The following ZNF407 variants were observed in gnomAD, a reference collection of about 807,000 sequenced individuals.
ZNF407 encodes zinc finger protein 407.
A neutral mutation model predicts 131.2 loss-of-function variants in ZNF407; 17 were observed. The observed-to-expected ratio is 0.13, with a 90% CI of 0.09 to 0.19. The LOEUF (loss-of-function observed/expected upper bound fraction) is 0.19, where lower values mean the gene tolerates loss of function less well. Ranked by LOEUF, ZNF407 falls within the 10% of genes least tolerant of loss-of-function variation. The pLI is 1.00. For missense variants in ZNF407, 2,681 were observed against 2,830.6 expected (o/e 0.95, Z 1.20); for synonymous variants, 1,156 against 1,062.0 (o/e 1.09, Z -1.72).
At chr18:74,945,491 TGC>T (rs1972145187) in intron 8 of ZNF407, among the ~76,000 whole-genome samples, 2 of 152,206 alleles carry the variant, frequency 1.3e-5, no homozygotes, top group African/African-American at 2.4e-5. Flanking sequence ...GAGCATACAT[TGC>T]CTGGAAAATT....
At chr18:74,609,752 T>G (rs889010961) in intron 1 of ZNF407, among the ~76,000 whole-genome samples, 8 of 152,218 alleles carry the variant, frequency 5.3e-5, no homozygotes, top group African/African-American at 1.9e-4. Flanking sequence ...ATAGGAATGT[T>G]TCAGCTCCGT....
intron 3 of ZNF407, among the ~76,000 whole-genome samples, chr18:74,736,982 C>T (rs1968430568): frequency 6.6e-6 from 1 of 152,118 alleles, no homozygotes; most frequent in Non-Finnish European, 1.5e-5. Context: ...GTTAACACTT[C>T]CTAGATAAGT....
chr18:74,779,088 C>CGCATATATATATATATAT (rs761762103), intron 3 of ZNF407, among the ~76,000 whole-genome samples: 1 of 19,210 alleles, frequency 5.2e-5, no homozygotes, highest in African/African-American at 1.0e-4. Flanking sequence ...TCATGCTTGG[C>CGCATATATATATATATAT]ATATATATAT....
intron 4 of ZNF407, among the ~76,000 whole-genome samples, chr18:74,788,071 C>T (rs1969754181): frequency 6.6e-6 from 1 of 152,170 alleles, no homozygotes; most frequent in African/African-American, 2.4e-5. Context: ...TTGGGAAGCT[C>T]ATGGCCAAAA....
At chr18:74,661,263 G>A (rs1985701777) in intron 3 of ZNF407, among the ~76,000 whole-genome samples, 1 of 151,842 alleles carries the variant, frequency 6.6e-6, no homozygotes, top group African/African-American at 2.4e-5. Context: ...GTCATTTTAT[G>A]TTGTACACAC....
chr18:75,021,443 A>T (rs1568303289), intron 8 of ZNF407, among the ~76,000 whole-genome samples: 1 of 149,730 alleles, frequency 6.7e-6, no homozygotes, highest in African/African-American at 2.5e-5. Context: ...CTAATTTTTT[A>T]TTTTTTTTTA....
At chr18:74,921,398 A>T (rs1971844827) in intron 8 of ZNF407, among the ~76,000 whole-genome samples, 1 of 152,218 alleles carries the variant, frequency 6.6e-6, no homozygotes, top group Non-Finnish European at 1.5e-5. Flanking sequence ...GCAGAATGAT[A>T]GATTATGGGT....
intron 3 of ZNF407, among the ~76,000 whole-genome samples, chr18:74,695,269 C>T (rs544415154): frequency 3.4e-4 from 52 of 152,172 alleles, no homozygotes; most frequent in Non-Finnish European, 6.6e-4. Flanking sequence ...GTGCCTCCTG[C>T]ATAACATCTA....
In ZNF407 at chr18:74,631,870, T is replaced by C; in HGVS notation, c.851T>C (p.Leu284Ser). The C allele has an allele frequency of 3.7e-6, 6 of 1,613,892 alleles. No individual in the cohort carries two copies. The highest frequency in any genetic ancestry group is 5.1e-6 in the Non-Finnish European group (6 of 1,179,880). ...GCTCGTGGAGGATTTGTACAGATCT[T>C]AACAAAACAACCTTTTCCTAAAAAA... ...LAARGGFVQI[L>S]TKQPFPKKSR... is the part of the protein sequence containing the mutation. Residue 284 changes from leucine (L) to serine (S), a missense_variant, in exon 2 of 9, where the codon TTA (leucine) becomes TCA (serine). By Grantham distance (145) the Leu-to-Ser change is moderately radical (BLOSUM62 -2). Around this residue, in one of 6 missense-constraint regions of ZNF407, gnomAD observed 1,789 missense variants for 1,748.7 expected, o/e 1.02. Coordinates refer to ENST00000299687, the MANE Select transcript of ZNF407 (RefSeq NM_017757.3).
In ZNF407 at chr18:74,739,712, A is replaced by G. The variant is rs138228261; in HGVS notation, c.4803-41716A>G. ...AATCGTAATTATAAGACTTTATAATATGGTCCAATCTATTTTAGTTTTTGA... is the reference window on the plus strand; with the variant it reads ...AATCGTAATTATAAGACTTTATAATGTGGTCCAATCTATTTTAGTTTTTGA... On this transcript the variant is annotated intron_variant, in intron 3 of 8. Transcript: ENST00000299687. Among the ~76,000 whole-genome samples, 782 of 152,226 alleles carry G rather than the reference A, an allele frequency of 5.1e-3. 2 individuals are homozygous for G. Among genetic ancestry groups the G allele is most frequent in the Non-Finnish European group, 6.5e-3 (443 of 67,998 alleles).
intron 1 of ZNF407, among the ~76,000 whole-genome samples, chr18:74,623,712 T>G (rs1983665986): frequency 6.6e-6 from 1 of 152,262 alleles, no homozygotes; most frequent in Non-Finnish European, 1.5e-5. Context: ...TGAAACTTTT[T>G]TTTTTCTTTT....
intron 3 of ZNF407, 46 bp from the exon 4 acceptor site, chr18:74,781,381 TG>T: frequency 7.8e-7 from 1 of 1,278,066 alleles, no homozygotes; most frequent in Non-Finnish European, 1.1e-6. Flanking sequence ...AGATTTCTAG[TG>T]GAGAGTCAAG....
At chr18:75,001,873 A>G (rs1972849144) in intron 8 of ZNF407, among the ~76,000 whole-genome samples, 1 of 152,230 alleles carries the variant, frequency 6.6e-6, no homozygotes, top group Admixed American at 6.5e-5. Context: ...ATTTGGAGAC[A>G]TTTTGGGTTG....
intron 2 of ZNF407, among the ~76,000 whole-genome samples, chr18:74,637,627 T>A (rs930503194): frequency 2.0e-5 from 3 of 152,148 alleles, no homozygotes; most frequent in Non-Finnish European, 4.4e-5. Flanking sequence ...TGCAAGTCAT[T>A]TTTTGGGGAA....
chr18:74,640,862 A>G (rs1984680717), intron 2 of ZNF407, 146 bp from the exon 3 acceptor site: 1 of 619,114 alleles, frequency 1.6e-6, no homozygotes, highest in Non-Finnish European at 2.9e-6. Context: ...GGTCTATTCA[A>G]GTTATAAATG....
chr18:74,786,052 T>TG (rs1312455307), intron 4 of ZNF407, among the ~76,000 whole-genome samples: 1 of 152,240 alleles, frequency 6.6e-6, no homozygotes, highest in East Asian at 1.9e-4. Flanking sequence ...AGGAAATTAT[T>TG]GGGGAACAGA....
At chr18:74,925,979 T>TG (rs1383598738) in intron 8 of ZNF407, among the ~76,000 whole-genome samples, 2 of 152,236 alleles carry the variant, frequency 1.3e-5, no homozygotes, top group African/African-American at 4.8e-5. Flanking sequence ...CTAGATTCCT[T>TG]GTTTTCCAGT....
At chr18:74,724,338 A>G (rs1968107525) in intron 3 of ZNF407, among the ~76,000 whole-genome samples, 1 of 152,152 alleles carries the variant, frequency 6.6e-6, no homozygotes, top group Non-Finnish European at 1.5e-5. Context: ...CTTTGTGGTG[A>G]CAACATTCAG....
At chr18:74,921,171 T>C in intron 8 of ZNF407, 1 of 327,562 alleles carries the variant, frequency 3.1e-6, no homozygotes, top group South Asian at 1.2e-4. Flanking sequence ...TGCTGTGCGT[T>C]TCCCAGAAAT....
Sources: gnomAD v4.1 joint callset for allele counts (sites outside exome capture counted in the v4.1 genomes callset) on GRCh38, gnomAD v4.1.1 for gene constraint, gnomAD v4.1.1 regional missense constraint, MANE v1.5 for transcripts, NCBI Gene and HGNC (gene_info 2026-07-23, HGNC 2026-07-21) for gene names.